Variants in CCDC71 observed in about 807,000 individuals in gnomAD.
CCDC71 encodes coiled-coil domain containing 71, also known as coiled-coil domain-containing protein 71.
For missense variants in CCDC71, 594 were observed against 604.0 expected, an observed-to-expected ratio of 0.98 and a Z score of 0.17; for synonymous variants, 257 against 242.2, an observed-to-expected ratio of 1.06 and a Z score of -0.57.
In CCDC71 at chr3:49,163,622, T is replaced by C; in HGVS notation, c.587A>G (p.His196Arg). Reference sequence around the variant, plus strand: ...TGAGAGCTGCAGTGACTGTGCCTTGTGCTTGGCACCCAAGCAGGGCATGGG... The same window carrying C: ...TGAGAGCTGCAGTGACTGTGCCTTGCGCTTGGCACCCAAGCAGGGCATGGG... The part of the protein sequence containing the change: ...KTPMPCLGAK[H>R]KAQSLQLSLA... The change falls in exon 2 of 2, where the codon CAC (histidine) becomes CGC (arginine). Residue 196 changes from histidine to arginine, a missense_variant. Transcript: ENST00000321895. 6.2e-7 allele frequency: 1 copy of C among 1,614,178 alleles called. No homozygotes were observed. The highest frequency in any genetic ancestry group is 8.5e-7 in the Non-Finnish European group (1 of 1,180,016).
chr3:49,164,404 C>A, intron 1 of CCDC71, 144 bp from the exon 2 acceptor site: 1 of 612,374 alleles, frequency 1.6e-6, no homozygotes, highest in South Asian at 2.0e-5. Flanking sequence ...AAACCCTGGT[C>A]TCCTGACCCT....
chr3:49,165,172 G>A (rs760366927), intron 1 of CCDC71, among the ~76,000 whole-genome samples: 33 of 152,216 alleles, frequency 2.2e-4, no homozygotes, highest in Non-Finnish European at 4.0e-4. Flanking sequence ...CAACCAGGCA[G>A]ACCAGGGACC....
Position 49,163,503 on chromosome 3 carries a change from G to C in CCDC71, c.706C>G (p.Pro236Ala), listed in dbSNP as rs745679306. The change falls in exon 2 of 2, where the codon CCC (proline) becomes GCC (alanine). Residue 236 changes from proline (P) to alanine (A), a missense_variant. Transcript: ENST00000321895. The part of the protein sequence containing the change: ...KAPRKTTSKG[P>A]KCLTRKGPGA... ...GGGCCTTTGCGAGTCAGACACTTGG[G>C]GCCCTTGCTTGTGGTTTTTCTGGGA... The C allele has an allele frequency of 6.2e-7, 1 of 1,614,102 alleles. No homozygotes were observed. Among genetic ancestry groups the C allele is most frequent in the Non-Finnish European group, 8.5e-7 (1 of 1,180,042 alleles).
chr3:49,162,722 G>C lies in CCDC71; in HGVS notation c.*83C>G. 3 of 1,318,578 alleles carry C rather than the reference G, an allele frequency of 2.3e-6. No homozygotes were observed. The South Asian group carries it at 4.1e-5, about 18-fold the overall frequency. 81.7% of individuals were successfully genotyped at this position (1,318,578 alleles called of 1,614,324 possible). Reference sequence around the variant, plus strand: ...AGGCACCGGGAGTCCTCAAGATTGTGGAGTCCACGGACATAGCACACTGTG... The same window carrying C: ...AGGCACCGGGAGTCCTCAAGATTGTCGAGTCCACGGACATAGCACACTGTG... On this transcript the variant is annotated 3_prime_UTR_variant, in exon 2 of 2. Coordinates refer to ENST00000321895, the MANE Select transcript of CCDC71 (RefSeq NM_022903.4).
intron 1 of CCDC71, among the ~76,000 whole-genome samples, chr3:49,165,129 A>T (rs1289198281): frequency 1.3e-5 from 2 of 152,246 alleles, no homozygotes; most frequent in Non-Finnish European, 2.9e-5. Context: ...TAAAAAGCTG[A>T]TGAGTAGCAG....
Position 49,163,096 on chromosome 3 carries a change from C to T in CCDC71, c.1113G>A (p.Lys371=). ...RGRGRPKGSA[K]ARTTRKGQKN... ...TCTGGCCCTTCCTTGTAGTTCTGGC[C>T]TTAGCAGATCCCTTTGGCCTGCCTC... Residue 371 remains lysine, a synonymous_variant, in exon 2 of 2, where the codon AAG becomes AAA. Coordinates refer to ENST00000321895, the MANE Select transcript of CCDC71 (RefSeq NM_022903.4). 6.2e-7 allele frequency: 1 copy of T among 1,614,280 alleles called. No homozygotes were observed. Among genetic ancestry groups the T allele is most frequent in the African/African-American group, 1.3e-5 (1 of 75,088 alleles).
Position 49,162,820 on chromosome 3 carries a change from T to A in CCDC71, c.1389A>T (p.Pro463=). The A allele has an allele frequency of 6.2e-7, 1 of 1,613,044 alleles. No homozygotes were observed. Among genetic ancestry groups the A allele is most frequent in the Non-Finnish European group, 8.5e-7 (1 of 1,179,652 alleles). Residue 463 remains proline, a synonymous_variant, in exon 2 of 2, where the codon CCA becomes CCT. Coordinates refer to ENST00000321895, the MANE Select transcript of CCDC71 (RefSeq NM_022903.4). The part of the protein sequence containing the change: ...SPVIRLQPLL[P]YSAV ...TGTGAAGGAATCAGACTGCTGAATA[T>A]GGCAGCAATGGCTGGAGCCGTATTA... is the stretch of plus-strand genomic sequence containing the variant.
chr3:49,163,239 C>G lies in CCDC71; in HGVS notation c.970G>C (p.Ala324Pro). The G allele has an allele frequency of 6.4e-7, 1 of 1,572,048 alleles. No homozygotes were observed. Among genetic ancestry groups the G allele is most frequent in the Non-Finnish European group, 8.7e-7 (1 of 1,148,772 alleles). Reference sequence around the variant, plus strand: ...TTGGCCTTGACCTGTGCTGCCTTAGCTTTGGCCTTAGCCTTGACCTGTGCT... The same window carrying G: ...TTGGCCTTGACCTGTGCTGCCTTAGGTTTGGCCTTAGCCTTGACCTGTGCT... ...KAAQVKAKAK[A>P]KAAQVKAKAK... Residue 324 changes from alanine to proline, a missense_variant, in exon 2 of 2, where the codon GCT (alanine) becomes CCT (proline). By Grantham distance (27) the Ala-to-Pro change is conservative. Coordinates refer to ENST00000321895, the MANE Select transcript of CCDC71 (RefSeq NM_022903.4).
chr3:49,163,092 T>C lies in CCDC71; in HGVS notation c.1117A>G (p.Arg373Gly), dbSNP rs757943587. ...TTTTTCTGGCCCTTCCTTGTAGTTC[T>C]GGCCTTAGCAGATCCCTTTGGCCTG... ...RGRPKGSAKARTTRKGQKNRP... is the reference protein window; with the variant it reads ...RGRPKGSAKAGTTRKGQKNRP... The change falls in exon 2 of 2, where the codon AGA (arginine) becomes GGA (glycine). Residue 373 changes from arginine (R) to glycine (G), a missense_variant. Arg to Gly is a moderately radical substitution (Grantham distance 125). Coordinates refer to ENST00000321895, the MANE Select transcript of CCDC71 (RefSeq NM_022903.4). 3 of 1,614,166 alleles carry C rather than the reference T, an allele frequency of 1.9e-6. No individual in the cohort carries two copies. The highest frequency in any genetic ancestry group is 2.5e-6 in the Non-Finnish European group (3 of 1,180,062).
rs370024275 is a variant in CCDC71, at chr3:49,163,040, C to G, written c.1169G>C (p.Arg390Thr). Reference sequence around the variant, plus strand: ...ATCTTTTGCCTCCTCAGCCCTTTTCCTCTTCTGCCCAACAGTCTCAGGGCG... The same window carrying G: ...ATCTTTTGCCTCCTCAGCCCTTTTCGTCTTCTGCCCAACAGTCTCAGGGCG... ...KNRPETVGQK[R>T]KRAEEAKDLP... Residue 390 changes from arginine to threonine, a missense_variant, in exon 2 of 2, where the codon AGG (arginine) becomes ACG (threonine). Arg to Thr is a moderately conservative substitution (Grantham distance 71, BLOSUM62 -1). Transcript: ENST00000321895. 6.2e-7 allele frequency: 1 copy of G among 1,614,162 alleles called. No homozygotes were observed. The highest frequency in any genetic ancestry group is 1.1e-5 in the South Asian group (1 of 91,094).
At position 49,163,878 on chromosome 3, in the gene CCDC71, C is replaced by G; in HGVS notation, c.331G>C (p.Ala111Pro). 1 of 1,614,200 alleles carries G rather than the reference C, an allele frequency of 6.2e-7. No homozygotes were observed. Among genetic ancestry groups the G allele is most frequent in the East Asian group, 2.2e-5 (1 of 44,876 alleles). Reference protein sequence around the residue: ...SAPRTAMRLPAGRATLLPMPL... With the variant: ...SAPRTAMRLPPGRATLLPMPL... The stretch of plus-strand genomic sequence containing the variant: ...ATGGGAAGCAGTGTGGCCCGACCTG[C>G]AGGCAACCGCATGGCAGTTCGGGGA... Residue 111 changes from alanine to proline, a missense_variant, in exon 2 of 2, where the codon GCA becomes CCA. Transcript: ENST00000321895.
At position 49,162,650 on chromosome 3, in the gene CCDC71, C is replaced by A; in HGVS notation, c.*155G>T. 4.5e-6 allele frequency: 2 copies of A among 444,134 alleles called. No individual in the cohort carries two copies. The highest frequency in any genetic ancestry group is 7.5e-5 in the Admixed American group (2 of 26,570). 27.5% of individuals were successfully genotyped at this position (444,134 alleles called of 1,614,324 possible). A position where few individuals can be genotyped will look rare whatever the true frequency, so the allele number is the denominator to read the frequency against. ...GCCCACCCACCCCACCGTACCCCAC[C>A]CACTCTGGTTTCTGAAAGGAGGCTG... On this transcript the variant is annotated 3_prime_UTR_variant, in exon 2 of 2. Transcript: ENST00000321895.
Position 49,163,394 on chromosome 3 carries a change from C to T in CCDC71, c.815G>A (p.Gly272Glu), listed in dbSNP as rs1211902527. The T allele has an allele frequency of 6.2e-7, 1 of 1,613,998 alleles. No homozygotes were observed. The highest frequency in any genetic ancestry group is 1.3e-5 in the African/African-American group (1 of 74,950). Residue 272 changes from glycine (G) to glutamate (E), a missense_variant, in exon 2 of 2, where the codon GGG (glycine) becomes GAG (glutamate). Gly to Glu is a moderately conservative substitution (Grantham distance 98). Coordinates refer to ENST00000321895, the MANE Select transcript of CCDC71 (RefSeq NM_022903.4). ...TGTTTTGGTGCCCAGGGCAGAGCCC[C>T]CTTTCATTCGCCGGACACTGGGGGA... Reference protein sequence around the residue: ...TGSPSVRRMKGGSALGTKTAQ... With the variant: ...TGSPSVRRMKEGSALGTKTAQ...
rs745735215 is a variant in CCDC71, at chr3:49,163,154, T to TTGGCCC, written c.1049_1054dup (p.Arg350_Ala351dup). 5.0e-6 allele frequency: 8 copies of TTGGCCC among 1,612,976 alleles called. No individual in the cohort carries two copies. The highest frequency in any genetic ancestry group is 1.6e-4 in the Middle Eastern group (1 of 6,076). ...GGGCTGGGTCCGAGCCACCTTGGCC[T>TTGGCCC]TGGCCCGTACTGCCTTGGCTTTAGC... On this transcript the variant is annotated inframe_insertion, in exon 2 of 2. Transcript: ENST00000321895.
intron 1 of CCDC71, among the ~76,000 whole-genome samples, chr3:49,165,038 G>A (rs2045715228): frequency 6.6e-6 from 1 of 152,176 alleles, no homozygotes; most frequent in Non-Finnish European, 1.5e-5. Flanking sequence ...TCAGTCTCTA[G>A]ACAGGGTACT....
At position 49,163,700 on chromosome 3, in the gene CCDC71, T is replaced by C. The variant is rs749005635; in HGVS notation, c.509A>G (p.Tyr170Cys). The change falls in exon 2 of 2, where the codon TAC becomes TGC. Residue 170 changes from tyrosine to cysteine, a missense_variant. Physicochemically the swap from Tyr to Cys is radical, Grantham distance 194 (BLOSUM62 -2). Coordinates refer to ENST00000321895, the MANE Select transcript of CCDC71 (RefSeq NM_022903.4). ...GFPTHLYPGV[Y>C]PAMRLSVVLE... is the part of the protein sequence containing the mutation. ...GACAACAGAGAGCCGCATGGCAGGG[T>C]AGACACCTGGATAAAGGTGGGTGGG... 25 of 1,613,776 alleles carry C rather than the reference T, an allele frequency of 1.5e-5. No homozygotes were observed. The highest frequency in any genetic ancestry group is 1.5e-4 in the South Asian group (14 of 91,058).
rs185195498 is a variant in CCDC71 at position 49,162,668 on chromosome 3, G to T, written c.*137C>A. The T allele has an allele frequency of 3.0e-3, 935 of 315,520 alleles. 9 individuals are homozygous for T. The highest frequency in any genetic ancestry group is 0.025 in the African/African-American group (846 of 34,496). The allele number at this position is 315,520 out of a possible 1,614,324, so 19.5% of individuals were successfully genotyped here. A position where few individuals can be genotyped will look rare whatever the true frequency, so the allele number is the denominator to read the frequency against. ...ACCCCACCCACTCTGGTTTCTGAAA[G>T]GAGGCTGGTGGTCACCAGGGCCCTA... On this transcript the variant is annotated 3_prime_UTR_variant, in exon 2 of 2. Coordinates refer to ENST00000321895, the MANE Select transcript of CCDC71 (RefSeq NM_022903.4).
chr3:49,163,516 G>A lies in CCDC71; in HGVS notation c.693C>T (p.Thr231=), dbSNP rs2045705347. Residue 231 remains threonine, a synonymous_variant, in exon 2 of 2, where the codon ACC becomes ACT. Transcript: ENST00000321895. ...GNPRPKAPRK[T]TSKGPKCLTR... The stretch of plus-strand genomic sequence containing the variant: ...TCAGACACTTGGGGCCCTTGCTTGT[G>A]GTTTTTCTGGGAGCTTTGGGCCGAG... 1 of 1,614,100 alleles carries A rather than the reference G, an allele frequency of 6.2e-7. No individual in the cohort carries two copies. The highest frequency in any genetic ancestry group is 8.5e-7 in the Non-Finnish European group (1 of 1,180,030).
At position 49,162,621 on chromosome 3, in the gene CCDC71, TCCCGCCC is replaced by T; in HGVS notation, c.*177_*183del. ...GTGCATCGCGCCATGAAAACACCCC[TCCCGCCC>T]ACCCACCCCACCGTACCCCACCCAC... On this transcript the variant is annotated 3_prime_UTR_variant, in exon 2 of 2. Transcript: ENST00000321895. The T allele has an allele frequency of 3.5e-5, 1 of 28,832 alleles. No individual in the cohort carries two copies. Among genetic ancestry groups the T allele is most frequent in the Non-Finnish European group, 6.3e-5 (1 of 15,768 alleles). 1.8% of individuals were successfully genotyped at this position (28,832 alleles called of 1,614,324 possible).
Sources: gnomAD v4.1 joint callset for allele counts (sites outside exome capture counted in the v4.1 genomes callset) on GRCh38, gnomAD v4.1.1 for gene constraint, MANE v1.5 for transcripts, NCBI Gene and HGNC (gene_info 2026-07-23, HGNC 2026-07-21) for gene names.